SEMA5A: variants seen among roughly 807,000 people sequenced by gnomAD.
The protein encoded by SEMA5A is semaphorin 5A.
A neutral mutation model predicts 135.5 loss-of-function variants in SEMA5A; 55 were observed. The ratio of observed to expected loss-of-function variants is 0.41; its 90% CI spans 0.33 to 0.51. The LOEUF is 0.51. Ranked by LOEUF, SEMA5A falls within the 20% of genes least tolerant of loss-of-function variation. SEMA5A has a pLI of 0.37. For synonymous variants in SEMA5A, 580 were observed against 546.5 expected (o/e 1.06, Z -0.85); for missense variants, 1,290 against 1,419.9 (o/e 0.91, Z 1.47).
intron 16 of SEMA5A, among the ~76,000 whole-genome samples, chr5:9,090,292 A>C (rs1016154679): frequency 6.6e-6 from 1 of 152,112 alleles, no homozygotes; most frequent in South Asian, 2.1e-4. Flanking sequence ...GCCCAACTCC[A>C]TTTACCCAGT....
chr5:9,471,923 C>A (rs1023434982), intron 1 of SEMA5A, among the ~76,000 whole-genome samples: 1 of 152,192 alleles, frequency 6.6e-6, no homozygotes, highest in Non-Finnish European at 1.5e-5. Context: ...AAAGTAACAA[C>A]CTGCTCCTCT....
intron 5 of SEMA5A, among the ~76,000 whole-genome samples, chr5:9,296,783 T>C (rs1027459959): frequency 5.3e-5 from 8 of 151,826 alleles, no homozygotes; most frequent in Admixed American, 4.6e-4. Context: ...TGTAGTATTT[T>C]ACAATTTTTA....
chr5:9,046,143 T>A (rs1736239006), intron 21 of SEMA5A, among the ~76,000 whole-genome samples: 1 of 152,176 alleles, frequency 6.6e-6, no homozygotes. Context: ...ATGTGCCACC[T>A]GCTCAGAGCA....
At chr5:9,329,587 T>C (rs1272683891) in intron 4 of SEMA5A, among the ~76,000 whole-genome samples, 4 of 152,346 alleles carry the variant, frequency 2.6e-5, no homozygotes, top group Middle Eastern at 3.4e-3. Context: ...CATGAACTAA[T>C]ACATTTGGAT....
intron 13 of SEMA5A, among the ~76,000 whole-genome samples, chr5:9,128,440 T>C (rs1242644127): frequency 6.6e-6 from 1 of 152,132 alleles, no homozygotes; most frequent in Admixed American, 6.5e-5. Flanking sequence ...GCTTTGGACA[T>C]GGTTATGTGT....
intron 11 of SEMA5A, among the ~76,000 whole-genome samples, chr5:9,187,798 C>T (rs781226470): frequency 1.3e-5 from 2 of 152,178 alleles, no homozygotes; most frequent in Non-Finnish European, 1.5e-5. Context: ...ATATCAATAT[C>T]GGAATCAGAT....
intron 1 of SEMA5A, among the ~76,000 whole-genome samples, chr5:9,520,885 T>C (rs920331948): frequency 6.6e-6 from 1 of 152,050 alleles, no homozygotes; most frequent in African/African-American, 2.4e-5. Flanking sequence ...CTAACTGCAA[T>C]GGAGGGTCCT....
At chr5:9,432,383 A>G (rs1239123164) in intron 2 of SEMA5A, among the ~76,000 whole-genome samples, 1 of 152,224 alleles carries the variant, frequency 6.6e-6, no homozygotes, top group Non-Finnish European at 1.5e-5. Context: ...CCCTGAAAAT[A>G]TCACAAAATA....
At chr5:9,253,199 T>C (rs747570146) in intron 5 of SEMA5A, among the ~76,000 whole-genome samples, 3 of 152,040 alleles carry the variant, frequency 2.0e-5, no homozygotes, top group Non-Finnish European at 4.4e-5. Context: ...GCTAACAGAG[T>C]TGTCTGCCTC....
At chr5:9,367,760 A>T (rs747371092) in intron 3 of SEMA5A, among the ~76,000 whole-genome samples, 2 of 152,152 alleles carry the variant, frequency 1.3e-5, no homozygotes, top group Non-Finnish European at 2.9e-5. Flanking sequence ...CCCAATGTTG[A>T]GGGTGGGGCC....
At chr5:9,264,717 A>AC (rs1191119418) in intron 5 of SEMA5A, among the ~76,000 whole-genome samples, 1 of 152,202 alleles carries the variant, frequency 6.6e-6, no homozygotes, top group Non-Finnish European at 1.5e-5. Flanking sequence ...GATCCTGGCA[A>AC]CCAGGAATGG....
chr5:9,146,591 T>C (rs1742349614), intron 12 of SEMA5A, among the ~76,000 whole-genome samples: 2 of 152,192 alleles, frequency 1.3e-5, no homozygotes, highest in African/African-American at 4.8e-5. Flanking sequence ...GATCAGACTT[T>C]AAAGATAAAT....
chr5:9,173,450 TG>T (rs1744038384), intron 11 of SEMA5A, among the ~76,000 whole-genome samples: 1 of 152,140 alleles, frequency 6.6e-6, no homozygotes, highest in Admixed American at 6.6e-5. Flanking sequence ...TTCTAAAGCC[TG>T]GGAAGTCCAA....
intron 11 of SEMA5A, among the ~76,000 whole-genome samples, chr5:9,160,351 G>A (rs1247692470): frequency 1.3e-5 from 2 of 151,986 alleles, no homozygotes; most frequent in African/African-American, 4.8e-5. Flanking sequence ...AGCATCCTTG[G>A]GCAAACAGTG....
intron 1 of SEMA5A, chr5:9,498,835 G>C (rs1735435497): frequency 1.3e-5 from 2 of 152,180 alleles, no homozygotes; most frequent in Non-Finnish European, 2.9e-5. Context: ...TGTTTAGCAT[G>C]ATTTGGGCTG....
chr5:9,037,013 A>C lies in SEMA5A; in HGVS notation c.*5884T>G, dbSNP rs578149590. 1.4e-3 allele frequency: 209 copies of C among 152,342 alleles called. No homozygotes were observed. Among genetic ancestry groups the C allele is most frequent in the African/African-American group, 4.8e-3 (200 of 41,570 alleles). The allele number at this position is 152,342 out of a possible 1,614,324, so 9.4% of individuals were successfully genotyped here. A position where few individuals can be genotyped will look rare whatever the true frequency, so the allele number is the denominator to read the frequency against. On this transcript the variant is annotated 3_prime_UTR_variant, in exon 23 of 23. Coordinates refer to ENST00000382496, the MANE Select transcript of SEMA5A (RefSeq NM_003966.3). ...TACTGCCATTCATCTAACATTTGGA[A>C]TATTTGGCATTAAATTGCCAAAAGG...
intron 5 of SEMA5A, among the ~76,000 whole-genome samples, chr5:9,247,323 G>T (rs1043443543): frequency 3.9e-5 from 6 of 152,098 alleles, no homozygotes; most frequent in African/African-American, 1.4e-4. Flanking sequence ...TCTTAATGAA[G>T]ACATTCTGTA....
chr5:9,162,564 G>GTGTA lies in SEMA5A; in HGVS notation c.1274-7870_1274-7869insTACA, dbSNP rs1331354641. 6.9e-4 allele frequency among the ~76,000 whole-genome samples: 58 copies of GTGTA among 84,054 alleles called. 2 individuals are homozygous for GTGTA. The highest frequency in any genetic ancestry group is 6.1e-3 in the Middle Eastern group (1 of 164). 55.1% of individuals were successfully genotyped at this position (84,054 alleles called of 152,430 possible). On this transcript the variant is annotated intron_variant, in intron 11 of 22. Coordinates refer to ENST00000382496, the MANE Select transcript of SEMA5A (RefSeq NM_003966.3). ...TGTGTGTATATATGTGTGTGTGTGT[G>GTGTA]TATATATATATATATATATATACAC...
intron 11 of SEMA5A, among the ~76,000 whole-genome samples, chr5:9,185,489 T>A (rs573989438): frequency 6.6e-4 from 100 of 152,226 alleles, no homozygotes; most frequent in Non-Finnish European, 4.1e-4. Context: ...TTCCTTTACA[T>A]TTCTTTAGTG....
Sources: gnomAD v4.1 joint callset for allele counts (sites outside exome capture counted in the v4.1 genomes callset) on GRCh38, gnomAD v4.1.1 for gene constraint, MANE v1.5 for transcripts, NCBI Gene and HGNC (gene_info 2026-07-23, HGNC 2026-07-21) for gene names.